Variants in AFG1L observed in about 807,000 individuals in gnomAD.
AFG1L encodes the protein AFG1 like ATPase, also known as AFG1-like ATPase.
A neutral mutation model predicts 62.2 loss-of-function variants in AFG1L; 53 were observed. The observed-to-expected ratio is 0.85, with a 90% CI of 0.68 to 1.07. The LOEUF is 1.07. Ranked by LOEUF, AFG1L falls within the 50% of genes least tolerant of loss-of-function variation. The pLI, the probability that AFG1L is intolerant of heterozygous loss-of-function variation, is 0.00. For synonymous variants in AFG1L, 228 were observed against 210.3 expected (o/e 1.08, Z -0.73); for missense variants, 555 against 590.5 (o/e 0.94, Z 0.62).
At chr6:108,400,603 TTATA>T (rs1256775087) in intron 6 of AFG1L, among the ~76,000 whole-genome samples, 1 of 134,804 alleles carries the variant, frequency 7.4e-6, no homozygotes, top group East Asian at 2.0e-4. Flanking sequence ...ATTTATATAT[TTATA>T]TATAATAATT....
intron 1 of AFG1L, among the ~76,000 whole-genome samples, chr6:108,322,552 T>A (rs1777857015): frequency 6.6e-6 from 1 of 152,192 alleles, no homozygotes; most frequent in Non-Finnish European, 1.5e-5. Flanking sequence ...CAGCCATGCA[T>A]CCAGCTAAAA....
At chr6:108,360,223 C>T (rs1466917086) in intron 5 of AFG1L, among the ~76,000 whole-genome samples, 1 of 152,222 alleles carries the variant, frequency 6.6e-6, no homozygotes, top group Non-Finnish European at 1.5e-5. Flanking sequence ...TGCTTCCTCT[C>T]TGACCTTGTC....
intron 1 of AFG1L, among the ~76,000 whole-genome samples, chr6:108,297,564 G>A (rs59751521): frequency 6.1e-4 from 93 of 151,940 alleles, no homozygotes; most frequent in African/African-American, 2.1e-3. Context: ...ATTTAGTACA[G>A]TGTAATGTGG....
intron 10 of AFG1L, among the ~76,000 whole-genome samples, chr6:108,478,166 G>A (rs1355357807): frequency 6.6e-6 from 1 of 152,208 alleles, no homozygotes; most frequent in Admixed American, 6.5e-5. Flanking sequence ...GGCCGGGTGC[G>A]GTGGCTCGCG....
intron 6 of AFG1L, among the ~76,000 whole-genome samples, chr6:108,374,007 T>C (rs1780132951): frequency 6.6e-6 from 1 of 152,202 alleles, no homozygotes; most frequent in Non-Finnish European, 1.5e-5. Context: ...TCTGTTATTT[T>C]TTACTTTTTA....
At chr6:108,311,760 C>T (rs140781605) in intron 1 of AFG1L, among the ~76,000 whole-genome samples, 90 of 152,266 alleles carry the variant, frequency 5.9e-4, no homozygotes, top group South Asian at 2.7e-3. Flanking sequence ...GACGCTTTAT[C>T]ATTATTTTTG....
At chr6:108,351,590 C>G (rs751752337) in intron 3 of AFG1L, among the ~76,000 whole-genome samples, 1 of 152,134 alleles carries the variant, frequency 6.6e-6, no homozygotes, top group South Asian at 2.1e-4. Flanking sequence ...AGCTAGGACC[C>G]GAGTACAATG....
chr6:108,335,096 C>T (rs1325472711), intron 2 of AFG1L, among the ~76,000 whole-genome samples: 4 of 151,962 alleles, frequency 2.6e-5, no homozygotes, highest in Admixed American at 1.3e-4. Flanking sequence ...CAAGTTAAAG[C>T]GATTTTCATG....
At chr6:108,440,592 A>G (rs1771501789) in intron 7 of AFG1L, among the ~76,000 whole-genome samples, 1 of 150,336 alleles carries the variant, frequency 6.7e-6, no homozygotes, top group Non-Finnish European at 1.5e-5. Context: ...AATGCCAGCA[A>G]TTTGGGAGGC....
intron 1 of AFG1L, among the ~76,000 whole-genome samples, chr6:108,322,491 A>G (rs1351752233): frequency 2.0e-5 from 3 of 152,160 alleles, no homozygotes; most frequent in African/African-American, 7.2e-5. Flanking sequence ...ACCTGCTCAC[A>G]TGGCCATACC....
chr6:108,447,143 A>G (rs867987496), intron 7 of AFG1L, 71 bp from the exon 8 acceptor site: 2 of 664,284 alleles, frequency 3.0e-6, no homozygotes, highest in Middle Eastern at 5.1e-4. Flanking sequence ...AAAAATGTAT[A>G]GTATAAGGGA....
At chr6:108,350,895 C>T (rs1314913956) in intron 3 of AFG1L, among the ~76,000 whole-genome samples, 1 of 152,156 alleles carries the variant, frequency 6.6e-6, no homozygotes, top group Non-Finnish European at 1.5e-5. Context: ...TTCTCCCTGG[C>T]TTGGATGTAG....
intron 6 of AFG1L, among the ~76,000 whole-genome samples, chr6:108,398,305 G>T (rs2114617259): frequency 6.6e-6 from 1 of 152,198 alleles, no homozygotes; most frequent in East Asian, 1.9e-4. Context: ...AGATTTATTA[G>T]ATTTTTTCCC....
At chr6:108,375,886 G>T (rs747870024) in intron 6 of AFG1L, among the ~76,000 whole-genome samples, 1 of 152,128 alleles carries the variant, frequency 6.6e-6, no homozygotes, top group Non-Finnish European at 1.5e-5. Flanking sequence ...AGTAGAATTG[G>T]TACCGGCTCT....
chr6:108,472,288 G>A (rs1350368890), intron 8 of AFG1L, among the ~76,000 whole-genome samples: 1 of 152,114 alleles, frequency 6.6e-6, no homozygotes, highest in Non-Finnish European at 1.5e-5. Context: ...GGATGACTAA[G>A]TCTAAAGATC....
At chr6:108,505,105 T>C (rs1333708973) in intron 10 of AFG1L, among the ~76,000 whole-genome samples, 3 of 151,292 alleles carry the variant, frequency 2.0e-5, no homozygotes, top group Non-Finnish European at 3.0e-5. Context: ...TTTTCTTTTT[T>C]TTTTTTTGAG....
intron 6 of AFG1L, chr6:108,373,028 A>G (rs548375098): frequency 2.6e-4 from 39 of 151,446 alleles, no homozygotes; most frequent in African/African-American, 9.5e-4. Context: ...TTTGTTTTTT[A>G]CTTTTTTATT....
At chr6:108,319,632 A>G (rs1197124281) in intron 1 of AFG1L, 1 of 188,412 alleles carries the variant, frequency 5.3e-6, no homozygotes, top group Non-Finnish European at 1.1e-5. Context: ...AGGTCTTGCT[A>G]TGTTGCCAAG....
intron 10 of AFG1L, among the ~76,000 whole-genome samples, chr6:108,481,689 T>C (rs1224258198): frequency 1.3e-5 from 2 of 152,226 alleles, no homozygotes; most frequent in Non-Finnish European, 2.9e-5. Flanking sequence ...TTTGAGAACA[T>C]GTCTTTTGAA....
Sources: allele counts gnomAD v4.1 joint callset (sites outside exome capture counted in the v4.1 genomes callset), GRCh38; gene constraint gnomAD v4.1.1; transcripts MANE v1.5; gene names NCBI Gene and HGNC (gene_info 2026-07-23, HGNC 2026-07-21).